The following GABPA variants were observed in gnomAD, a reference collection of about 807,000 sequenced individuals.
GABPA encodes GA-binding protein alpha chain.
In GABPA, 4 loss-of-function variants were observed where a neutral mutation model predicts 59.4. The ratio of observed to expected loss-of-function variants is 0.07; its 90% CI spans 0.03 to 0.15. The LOEUF (loss-of-function observed/expected upper bound fraction) is 0.15. Among genes scored for constraint, GABPA ranks in the 10% least tolerant of loss-of-function variants. The probability of loss-of-function intolerance (pLI) is 1.00; values close to 1 mark genes in which losing one functional copy is unlikely to be tolerated. For synonymous variants in GABPA, 164 were observed against 183.1 expected (o/e 0.90, Z 0.84); for missense variants, 251 against 543.8 (o/e 0.46, Z 5.36).
intron 4 of GABPA, among the ~76,000 whole-genome samples, chr21:25,750,236 C>T (rs933740284): frequency 6.6e-6 from 1 of 152,160 alleles, no homozygotes; most frequent in African/African-American, 2.4e-5. Flanking sequence ...AAGTGAAGCT[C>T]AGGCGGTAAT....
intron 9 of GABPA, among the ~76,000 whole-genome samples, chr21:25,766,218 C>T (rs1428254784): frequency 6.6e-6 from 1 of 151,946 alleles, no homozygotes; most frequent in African/African-American, 2.4e-5. Context: ...AATTTACTCT[C>T]CATCTCTGGG....
At chr21:25,750,818 G>A (rs561123888) in intron 4 of GABPA, among the ~76,000 whole-genome samples, 11 of 152,160 alleles carry the variant, frequency 7.2e-5, no homozygotes, top group African/African-American at 1.7e-4. Context: ...AGAAGAGTTC[G>A]CTTAAAGCCA....
intron 7 of GABPA, chr21:25,763,172 GT>G: frequency 3.9e-6 from 2 of 512,042 alleles, no homozygotes; most frequent in South Asian, 3.2e-5. Flanking sequence ...GCATGTTTGG[GT>G]TTGGGTACCA....
intron 1 of GABPA, among the ~76,000 whole-genome samples, chr21:25,741,250 C>G (rs2035214017): frequency 6.6e-6 from 1 of 152,098 alleles, no homozygotes; most frequent in Non-Finnish European, 1.5e-5. Flanking sequence ...ACCTCAGCCT[C>G]CGAAGTATTA....
intron 2 of GABPA, among the ~76,000 whole-genome samples, chr21:25,742,652 G>A (rs1169539866): frequency 6.6e-6 from 1 of 152,026 alleles, no homozygotes; most frequent in Non-Finnish European, 1.5e-5. Context: ...AGTGGCTCAT[G>A]CCTGTAGTCC....
At chr21:25,749,696 T>G (rs1031466588) in intron 4 of GABPA, among the ~76,000 whole-genome samples, 2 of 152,170 alleles carry the variant, frequency 1.3e-5, no homozygotes, top group Non-Finnish European at 2.9e-5. Context: ...CTGGGTGTGG[T>G]GGCACATGCC....
chr21:25,747,173 C>G (rs143029150), intron 3 of GABPA, among the ~76,000 whole-genome samples: 1 of 152,300 alleles, frequency 6.6e-6, no homozygotes, highest in African/African-American at 2.4e-5. Flanking sequence ...CCAGAACTCT[C>G]TTCACTTGTT....
chr21:25,764,196 G>C lies in GABPA; in HGVS notation c.803-14G>C, dbSNP rs201076410. ...ATTGGAAGAAAAAAAATTTCTCCTT[G>C]TCTGTCTTTGCAGCTGTGCAAATTA... On this transcript the variant is annotated splice_polypyrimidine_tract_variant and intron_variant, in intron 7 of 9. Coordinates refer to ENST00000400075, the MANE Select transcript of GABPA (RefSeq NM_002040.4). 6.6e-7 allele frequency: 1 copy of C among 1,513,226 alleles called. No homozygotes were observed. Among genetic ancestry groups the C allele is most frequent in the East Asian group, 2.4e-5 (1 of 41,678 alleles). The allele number at this position is 1,513,226 out of a possible 1,614,324, so 93.7% of individuals were successfully genotyped here.
intron 5 of GABPA, among the ~76,000 whole-genome samples, chr21:25,754,617 A>AT (rs71327963): frequency 0.07 from 10,505 of 150,616 alleles, 441 homozygotes; most frequent in Middle Eastern, 0.15. Context: ...TTGATTATAT[A>AT]TTTTTTTTTA....
At chr21:25,755,426 ACTGT>A (rs1405573382) in intron 5 of GABPA, among the ~76,000 whole-genome samples, 17 of 141,790 alleles carry the variant, frequency 1.2e-4, no homozygotes, top group Non-Finnish European at 2.0e-4. Flanking sequence ...GCAAAGCAAG[ACTGT>A]CTAAAAAAAA....
Position 25,772,343 on chromosome 21 carries a change from G to T in GABPA, c.*3111G>T, listed in dbSNP as rs900850131. On this transcript the variant is annotated 3_prime_UTR_variant, in exon 10 of 10. Coordinates refer to ENST00000400075, the MANE Select transcript of GABPA (RefSeq NM_002040.4). The stretch of plus-strand genomic sequence containing the variant: ...AATAACAATTATGTATTTCTTTGTG[G>T]TTTTAATTTTTTTTGTAATTTTACA... 5 of 151,656 alleles carry T rather than the reference G, an allele frequency of 3.3e-5. No individual in the cohort carries two copies. The highest frequency in any genetic ancestry group is 1.2e-4 in the African/African-American group (5 of 41,294). The allele number at this position is 151,656 out of a possible 1,614,324, so 9.4% of individuals were successfully genotyped here. A position where few individuals can be genotyped will look rare whatever the true frequency, so the allele number is the denominator to read the frequency against.
intron 3 of GABPA, among the ~76,000 whole-genome samples, chr21:25,748,438 A>G (rs548738498): frequency 4.6e-5 from 7 of 152,342 alleles, no homozygotes; most frequent in African/African-American, 1.7e-4. Flanking sequence ...TCAATTTGCC[A>G]TAGTGTGAAA....
At chr21:25,736,454 A>T (rs1352075233) in intron 1 of GABPA, among the ~76,000 whole-genome samples, 2 of 152,134 alleles carry the variant, frequency 1.3e-5, no homozygotes, top group Non-Finnish European at 2.9e-5. Context: ...TGCTTGAGGG[A>T]CTAGCCTGTC....
At chr21:25,753,352 A>G (rs2035559082) in intron 5 of GABPA, among the ~76,000 whole-genome samples, 1 of 152,218 alleles carries the variant, frequency 6.6e-6, no homozygotes, top group Non-Finnish European at 1.5e-5. Flanking sequence ...TTCCCACTGA[A>G]TTTATATTTG....
In GABPA at chr21:25,734,991, G is replaced by A. The variant is rs1339958482; in HGVS notation, c.-614G>A. 3 of 1,549,860 alleles carry A rather than the reference G, an allele frequency of 1.9e-6. No homozygotes were observed. Among genetic ancestry groups the A allele is most frequent in the Non-Finnish European group, 2.6e-6 (3 of 1,147,348 alleles). The stretch of plus-strand genomic sequence containing the variant: ...CGTTTCAGTCGGTCGACGCTCACCG[G>A]ACAGGAAGCGTCTCGGAGACAGTCT... On this transcript the variant is annotated 5_prime_UTR_variant, in exon 1 of 10. Coordinates refer to ENST00000400075, the MANE Select transcript of GABPA (RefSeq NM_002040.4).
Position 25,764,197 on chromosome 21 carries a change from T to G in GABPA, c.803-13T>G, listed in dbSNP as rs2035834925. 2.6e-6 allele frequency: 4 copies of G among 1,551,670 alleles called. No individual in the cohort carries two copies. In the South Asian group the frequency reaches 5.0e-5, roughly 19 times the overall value. On this transcript the variant is annotated splice_polypyrimidine_tract_variant and intron_variant, in intron 7 of 9. Transcript: ENST00000400075. ...TTGGAAGAAAAAAAATTTCTCCTTG[T>G]CTGTCTTTGCAGCTGTGCAAATTAT...
chr21:25,737,186 G>C (rs1337668669), intron 1 of GABPA, among the ~76,000 whole-genome samples: 1 of 152,216 alleles, frequency 6.6e-6, no homozygotes, highest in Admixed American at 6.5e-5. Context: ...GAACCAGAGT[G>C]TCAAAGTATA....
At chr21:25,736,339 G>C (rs758573514) in intron 1 of GABPA, among the ~76,000 whole-genome samples, 8 of 152,230 alleles carry the variant, frequency 5.3e-5, no homozygotes, top group Admixed American at 3.3e-4. Context: ...GAAGAGCAAA[G>C]ATTTAGCAGG....
chr21:25,743,685 A>T (rs1460955473), intron 2 of GABPA, among the ~76,000 whole-genome samples: 1 of 151,934 alleles, frequency 6.6e-6, no homozygotes, highest in Admixed American at 6.6e-5. Flanking sequence ...TTTAATGTTC[A>T]GCTAGTATAA....
Sources: allele counts gnomAD v4.1 joint callset (sites outside exome capture counted in the v4.1 genomes callset), GRCh38; gene constraint gnomAD v4.1.1; transcripts MANE v1.5; gene names NCBI Gene and HGNC (gene_info 2026-07-23, HGNC 2026-07-21).